Variants in ADGRG4 observed in about 807,000 individuals in gnomAD.
ADGRG4 encodes adhesion G protein-coupled receptor G4.
ADGRG4 carries 122 observed loss-of-function variants against 126.2 expected under a neutral mutation model. The observed-to-expected ratio is 0.97, with a 90% CI of 0.83 to 1.12. ADGRG4 has a LOEUF of 1.12. Among genes scored for constraint, ADGRG4 ranks in the 50% most tolerant of loss-of-function variants. The pLI is 0.00. For synonymous variants in ADGRG4, 943 were observed against 838.7 expected (o/e 1.12, Z -2.15); for missense variants, 2,481 against 2,251.8 (o/e 1.10, Z -2.06).
At position 136,323,277 on chromosome X, in the gene ADGRG4, C is replaced by A; in HGVS notation, c.570C>A (p.His190Gln). The change falls in exon 5 of 26, where the codon CAC (histidine) becomes CAA (glutamine). Residue 190 changes from histidine (H) to glutamine (Q), a missense_variant. By Grantham distance (24) the His-to-Gln change is conservative. Coordinates refer to ENST00000394143, the MANE Select transcript of ADGRG4 (RefSeq NM_153834.4). ...TGTACTACTTTCAACTCTGGGACCACATCCTGGAAAACGAAGAGTTTATGA... is the reference window on the plus strand; with the variant it reads ...TGTACTACTTTCAACTCTGGGACCAAATCCTGGAAAACGAAGAGTTTATGA... Reference protein sequence around the residue: ...GSLYYFQLWDHILENEEFMKC... With the variant: ...GSLYYFQLWDQILENEEFMKC... 1.7e-6 allele frequency: 2 copies of A among 1,211,221 alleles called. No homozygotes were observed. Among genetic ancestry groups the A allele is most frequent in the South Asian group, 3.5e-5 (2 of 56,949 alleles).
intron 5 of ADGRG4, among the ~76,000 whole-genome samples, chrX:136,335,693 C>A (rs770945780): frequency 9.0e-6 from 1 of 111,677 alleles, no homozygotes; most frequent in East Asian, 2.8e-4. Context: ...TTAATTGCTG[C>A]AGAATAAGTA....
intron 8 of ADGRG4, among the ~76,000 whole-genome samples, chrX:136,354,361 T>G (rs974880682): frequency 8.9e-6 from 1 of 111,855 alleles, no homozygotes; most frequent in Non-Finnish European, 1.9e-5. Context: ...GATGGCCCTC[T>G]TCTTGCTGTG....
Position 136,363,547 on chromosome X carries a change from G to A in ADGRG4, c.7348G>A (p.Glu2450Lys). ...PKFKQCKLLQ[E>K]LPDKIVDLAN... is the part of the protein sequence containing the mutation. Reference sequence around the variant, plus strand: ...GTTTAAACAATGCAAATTGCTTCAAGAACTTCCTGACAAGATTGTGGATCT... The same window carrying A: ...GTTTAAACAATGCAAATTGCTTCAAAAACTTCCTGACAAGATTGTGGATCT... The change falls in exon 13 of 26, where the codon GAA becomes AAA. Residue 2450 changes from glutamate to lysine, a missense_variant. Transcript: ENST00000394143. 3 of 1,196,588 alleles carry A rather than the reference G, an allele frequency of 2.5e-6. No individual in the cohort carries two copies. Among genetic ancestry groups the A allele is most frequent in the Non-Finnish European group, 3.4e-6 (3 of 881,776 alleles).
At chrX:136,350,783 A>G (rs762520883) in intron 6 of ADGRG4, among the ~76,000 whole-genome samples, 1 of 111,244 alleles carries the variant, frequency 9.0e-6, no homozygotes, top group South Asian at 3.8e-4. Flanking sequence ...AGAGAATCAT[A>G]CGGCCTTAGG....
At chrX:136,362,976 A>C (rs2075137315) in intron 12 of ADGRG4, among the ~76,000 whole-genome samples, 1 of 111,465 alleles carries the variant, frequency 9.0e-6, no homozygotes, top group African/African-American at 3.3e-5. Flanking sequence ...TGCTCAATAA[A>C]TGTGTTAGCT....
intron 12 of ADGRG4, among the ~76,000 whole-genome samples, chrX:136,362,349 C>T (rs981549700): frequency 5.4e-5 from 6 of 111,122 alleles, no homozygotes; most frequent in Non-Finnish European, 7.5e-5. Flanking sequence ...CTTTCCAACC[C>T]CACTGCCACT....
chrX:136,402,973 A>C (rs2075387233), intron 21 of ADGRG4, among the ~76,000 whole-genome samples: 1 of 112,321 alleles, frequency 8.9e-6, no homozygotes, highest in African/African-American at 3.2e-5. Flanking sequence ...TTCTTTTGCC[A>C]AGTTGATTTT....
chrX:136,358,834 A>G (rs2075110227), intron 10 of ADGRG4, among the ~76,000 whole-genome samples: 1 of 112,206 alleles, frequency 8.9e-6, no homozygotes, highest in African/African-American at 3.2e-5. Context: ...ATTATTACTT[A>G]TTATAGAAAT....
intron 13 of ADGRG4, among the ~76,000 whole-genome samples, chrX:136,369,300 T>A (rs1443583455): frequency 8.9e-6 from 1 of 112,290 alleles, no homozygotes; most frequent in Non-Finnish European, 1.9e-5. Context: ...TATTATTATT[T>A]TGAATGTTGC....
chrX:136,416,366 C>A, intron 25 of ADGRG4, 88 bp from the exon 26 acceptor site: 1 of 690,593 alleles, frequency 1.4e-6, no homozygotes, highest in Admixed American at 3.0e-5. Flanking sequence ...TTATTTTTTC[C>A]TTCATTTGAT....
rs1286224125 is a variant in ADGRG4 at position 136,372,935 on chromosome X, G to A, written c.7647G>A (p.Lys2549=). 8.3e-7 allele frequency: 1 copy of A among 1,210,055 alleles called. No homozygotes were observed. Among genetic ancestry groups the A allele is most frequent in the Non-Finnish European group, 1.1e-6 (1 of 895,102 alleles). ...GGATAATTGAGCGTACTGGTCACAA[G>A]ATGGAGTTTTCTGGGCAGATAGCAA... is the stretch of plus-strand genomic sequence containing the variant. ...ILRIIERTGH[K]MEFSGQIANL... is the part of the protein sequence containing the mutation. Residue 2549 remains lysine (K), a synonymous_variant, in exon 15 of 26, where the codon AAG becomes AAA. Transcript: ENST00000394143.
chrX:136,392,174 T>C (rs748968909), intron 16 of ADGRG4, 58 bp from the exon 17 acceptor site: 36 of 1,015,886 alleles, frequency 3.5e-5, no homozygotes, highest in Non-Finnish European at 4.5e-5. Flanking sequence ...AGATTGATTA[T>C]TAATATGTAA....
chrX:136,381,006 C>T (rs1396844896), intron 15 of ADGRG4, among the ~76,000 whole-genome samples: 1 of 110,472 alleles, frequency 9.1e-6, no homozygotes, highest in East Asian at 2.8e-4. Flanking sequence ...GTGTAAGCTA[C>T]TACCCCTGGC....
chrX:136,327,464 AAATAAT>A (rs201257685), intron 5 of ADGRG4, among the ~76,000 whole-genome samples: 1 of 97,511 alleles, frequency 1.0e-5, no homozygotes, highest in Non-Finnish European at 2.0e-5. Context: ...GTGGGAAATA[AAATAAT>A]AATAATAATA....
intron 23 of ADGRG4, among the ~76,000 whole-genome samples, chrX:136,409,551 C>T (rs755859668): frequency 8.9e-6 from 1 of 111,928 alleles, no homozygotes; most frequent in South Asian, 3.8e-4. Context: ...GGGTGCTGCA[C>T]CGCCTTCCAG....
At chrX:136,373,525 A>G (rs964320746) in intron 15 of ADGRG4, among the ~76,000 whole-genome samples, 5 of 111,594 alleles carry the variant, frequency 4.5e-5, no homozygotes, top group Non-Finnish European at 3.8e-5. Context: ...TAGGCTGCCA[A>G]CCCTACTCAA....
chrX:136,416,365 C>T, intron 25 of ADGRG4, 89 bp from the exon 26 acceptor site: 2 of 671,403 alleles, frequency 3.0e-6, no homozygotes, highest in Admixed American at 3.0e-5. Flanking sequence ...TTTATTTTTT[C>T]CTTCATTTGA....
intron 4 of ADGRG4, among the ~76,000 whole-genome samples, chrX:136,310,888 G>A (rs1023438777): frequency 9.0e-6 from 1 of 111,462 alleles, no homozygotes; most frequent in Non-Finnish European, 1.9e-5. Flanking sequence ...TGTGGGACTC[G>A]GTTTCCTAGT....
chrX:136,337,573 A>T (rs181575115), intron 5 of ADGRG4, among the ~76,000 whole-genome samples: 3 of 112,513 alleles, frequency 2.7e-5, no homozygotes, highest in Non-Finnish European at 5.6e-5. Flanking sequence ...GCTTTGCTGG[A>T]TATAGAATTC....
Sources: allele counts gnomAD v4.1 joint callset (sites outside exome capture counted in the v4.1 genomes callset), GRCh38; gene constraint gnomAD v4.1.1; transcripts MANE v1.5; gene names NCBI Gene and HGNC (gene_info 2026-07-23, HGNC 2026-07-21).